CHCHD6: variants seen among roughly 807,000 people sequenced by gnomAD.
CHCHD6 encodes the protein coiled-coil-helix-coiled-coil-helix domain containing 6, also known as MICOS complex subunit MIC25.
In CHCHD6, 28 loss-of-function variants were observed where a neutral mutation model predicts 32.3. That is an observed-to-expected ratio of 0.87 (90% CI 0.64 to 1.19). The LOEUF (loss-of-function observed/expected upper bound fraction) is 1.19. Among genes scored for constraint, CHCHD6 ranks in the 50% most tolerant of loss-of-function variants. CHCHD6 has a pLI of 0.00. For synonymous variants in CHCHD6, 122 were observed against 117.5 expected, an observed-to-expected ratio of 1.04 and a Z score of -0.25; for missense variants, 333 against 307.0, an observed-to-expected ratio of 1.08 and a Z score of -0.63.
chr3:126,871,026 G>A (rs571221136), intron 5 of CHCHD6, among the ~76,000 whole-genome samples: 18 of 152,238 alleles, frequency 1.2e-4, no homozygotes, highest in African/African-American at 3.9e-4. Context: ...GATTCATCTG[G>A]GTCAGGAGAT....
At chr3:126,832,869 G>A (rs1940699296) in intron 4 of CHCHD6, among the ~76,000 whole-genome samples, 3 of 152,192 alleles carry the variant, frequency 2.0e-5, no homozygotes, top group African/African-American at 7.2e-5. Context: ...CACAAGAGGG[G>A]AATTTCTCCC....
At chr3:126,928,739 C>T (rs1472607833) in intron 6 of CHCHD6, among the ~76,000 whole-genome samples, 2 of 152,214 alleles carry the variant, frequency 1.3e-5, no homozygotes, top group African/African-American at 4.8e-5. Context: ...TGTGTTCCAA[C>T]GTCATCATTC....
chr3:126,755,269 G>T (rs967501465), intron 4 of CHCHD6, among the ~76,000 whole-genome samples: 7 of 152,176 alleles, frequency 4.6e-5, no homozygotes, highest in African/African-American at 1.7e-4. Context: ...CTGGGAATGG[G>T]TTTTTGAGGT....
chr3:126,721,002 T>A (rs1252845874), intron 1 of CHCHD6, among the ~76,000 whole-genome samples: 4 of 152,210 alleles, frequency 2.6e-5, no homozygotes, highest in African/African-American at 9.7e-5. Flanking sequence ...TCTGCTGCCT[T>A]CTTAGAATAA....
chr3:126,953,605 G>C (rs1576647024), intron 6 of CHCHD6, among the ~76,000 whole-genome samples: 14 of 152,202 alleles, frequency 9.2e-5, no homozygotes, highest in African/African-American at 3.1e-4. Context: ...CTTCTATGGG[G>C]CAAGCGGTGT....
chr3:126,860,089 AGT>A (rs1941805533), intron 5 of CHCHD6, among the ~76,000 whole-genome samples: 1 of 152,062 alleles, frequency 6.6e-6, no homozygotes, highest in Non-Finnish European at 1.5e-5. Flanking sequence ...TACTTCTGTG[AGT>A]GAGAGAGGCC....
At chr3:126,828,461 T>C (rs1307109713) in intron 4 of CHCHD6, among the ~76,000 whole-genome samples, 1 of 152,142 alleles carries the variant, frequency 6.6e-6, no homozygotes, top group Non-Finnish European at 1.5e-5. Context: ...AGGGAGTGTG[T>C]GAGGGAACAC....
chr3:126,946,987 AAAGTG>A (rs1190466482), intron 6 of CHCHD6, among the ~76,000 whole-genome samples: 55 of 152,360 alleles, frequency 3.6e-4, no homozygotes, highest in African/African-American at 1.3e-3. Context: ...TTTATTAAAT[AAAGTG>A]AAGAGAGCAC....
At chr3:126,908,325 T>C (rs1271312575) in intron 5 of CHCHD6, among the ~76,000 whole-genome samples, 2 of 152,192 alleles carry the variant, frequency 1.3e-5, no homozygotes, top group Non-Finnish European at 2.9e-5. Context: ...CCTCTGTGCT[T>C]TGGTCGGATT....
At chr3:126,953,271 C>A (rs1435705337) in intron 6 of CHCHD6, 1 of 358,874 alleles carries the variant, frequency 2.8e-6, no homozygotes, top group East Asian at 1.7e-4. Flanking sequence ...TGAAGAGACA[C>A]CATGATTATG....
intron 1 of CHCHD6, among the ~76,000 whole-genome samples, chr3:126,721,647 G>T (rs1224966862): frequency 1.3e-5 from 2 of 152,084 alleles, no homozygotes; most frequent in East Asian, 3.9e-4. Flanking sequence ...AGTTTTTAGT[G>T]TATTCACAGG....
At position 126,834,725 on chromosome 3, in the gene CHCHD6, C is replaced by T. The variant is rs76719136; in HGVS notation, c.412-17922C>T. Among the ~76,000 whole-genome samples the T allele has an allele frequency of 2.0e-3, 311 of 152,280 alleles. 1 individual carries two copies. The highest frequency in any genetic ancestry group is 3.4e-3 in the Non-Finnish European group (232 of 68,010). ...GCTACTTCACGACAGAAGGAGCATA[C>T]ATATCTGATCTCCACTTAGATATAG... On this transcript the variant is annotated intron_variant, in intron 4 of 7. Transcript: ENST00000290913.
At chr3:126,757,537 C>T (rs1056047882) in intron 4 of CHCHD6, among the ~76,000 whole-genome samples, 33 of 152,190 alleles carry the variant, frequency 2.2e-4, no homozygotes, top group African/African-American at 7.5e-4. Context: ...CCGCAGCAAG[C>T]TCAAACTAGT....
intron 1 of CHCHD6, among the ~76,000 whole-genome samples, chr3:126,713,892 A>G (rs1934878299): frequency 1.3e-5 from 2 of 151,444 alleles, no homozygotes; most frequent in Middle Eastern, 3.2e-3. Context: ...CCTGTCTAAT[A>G]TGGTGAAACC....
At chr3:126,705,289 C>T (rs1413860047) in intron 1 of CHCHD6, among the ~76,000 whole-genome samples, 1 of 152,140 alleles carries the variant, frequency 6.6e-6, no homozygotes, top group Non-Finnish European at 1.5e-5. Context: ...TTGTTTATTG[C>T]GTTTACTGCT....
rs546400521 is a variant in CHCHD6 at position 126,883,888 on chromosome 3, A to G, written c.496-30792A>G. Among the ~76,000 whole-genome samples, 7 of 152,352 alleles carry G rather than the reference A, an allele frequency of 4.6e-5. No individual in the cohort carries two copies. The South Asian group carries it at 1.5e-3, about 32-fold the overall frequency. On this transcript the variant is annotated intron_variant, in intron 5 of 7. Coordinates refer to ENST00000290913, the MANE Select transcript of CHCHD6 (RefSeq NM_032343.3). ...ACATCAGGCTTATGTTAAAATCTGT[A>G]GGTTTTCTCAGTTCTTGTGACATTT...
intron 5 of CHCHD6, among the ~76,000 whole-genome samples, chr3:126,891,362 G>A (rs1228860109): frequency 6.6e-6 from 1 of 152,156 alleles, no homozygotes; most frequent in Non-Finnish European, 1.5e-5. Context: ...TGACAGCAGG[G>A]CCCTGAGGTG....
intron 4 of CHCHD6, among the ~76,000 whole-genome samples, chr3:126,801,778 C>A (rs1328001028): frequency 6.6e-6 from 1 of 151,848 alleles, no homozygotes; most frequent in Non-Finnish European, 1.5e-5. Context: ...GTCCCTGACC[C>A]CTGACCCCCG....
chr3:126,777,512 T>G (rs1370268045), intron 4 of CHCHD6, among the ~76,000 whole-genome samples: 2 of 152,180 alleles, frequency 1.3e-5, no homozygotes, highest in African/African-American at 4.8e-5. Context: ...GCTTGTTAAG[T>G]GTAACAAGAT....
Sources: allele counts gnomAD v4.1 joint callset (sites outside exome capture counted in the v4.1 genomes callset), GRCh38; gene constraint gnomAD v4.1.1; transcripts MANE v1.5; gene names NCBI Gene and HGNC (gene_info 2026-07-23, HGNC 2026-07-21).